Variants in CLDN20 observed in about 807,000 individuals in gnomAD.
CLDN20 encodes the protein claudin 20, also known as claudin-20.
For synonymous variants in CLDN20, 104 were observed against 103.6 expected, an observed-to-expected ratio of 1.00 and a Z score of -0.03; for missense variants, 258 against 267.9, an observed-to-expected ratio of 0.96 and a Z score of 0.26.
At chr6:155,270,676 C>T (rs1429343022) in intron 1 of CLDN20, among the ~76,000 whole-genome samples, 2 of 152,140 alleles carry the variant, frequency 1.3e-5, no homozygotes, top group Non-Finnish European at 2.9e-5. Flanking sequence ...CTTCCTTATG[C>T]TAGAGGTTAG....
chr6:155,265,033 AGAC>A, intron 1 of CLDN20, among the ~76,000 whole-genome samples: 1 of 152,342 alleles, frequency 6.6e-6, no homozygotes, highest in Admixed American at 6.5e-5. Context: ...CAGAGGGAAA[AGAC>A]CTTCCTAAAA....
At chr6:155,269,324 C>CTTTTTTTTTT (rs60162262) in intron 1 of CLDN20, among the ~76,000 whole-genome samples, 27 of 127,222 alleles carry the variant, frequency 2.1e-4, no homozygotes, top group Non-Finnish European at 2.6e-4. Context: ...CTTTTCTTTT[C>CTTTTTTTTTT]TTTTTTTTTT....
intron 1 of CLDN20, among the ~76,000 whole-genome samples, chr6:155,271,457 C>G (rs1784911206): frequency 6.6e-6 from 1 of 152,182 alleles, no homozygotes; most frequent in African/African-American, 2.4e-5. Context: ...CAAGAAAACT[C>G]AGGGCACCAC....
rs1785219486 is a variant in CLDN20, at chr6:155,276,376, G to A, written c.657G>A (p.Val219=). ...NNSTHNLKDY[V] The stretch of plus-strand genomic sequence containing the variant: ...CCACACACAATCTGAAGGATTATGT[G>A]TAAATAACTGAGTAATGCATATGAA... Residue 219 remains valine, a synonymous_variant, in exon 2 of 2, where the codon GTG becomes GTA. Coordinates refer to ENST00000367165, the MANE Select transcript of CLDN20 (RefSeq NM_001001346.3). 2 of 1,610,538 alleles carry A rather than the reference G, an allele frequency of 1.2e-6. No individual in the cohort carries two copies. The highest frequency in any genetic ancestry group is 1.7e-5 in the Admixed American group (1 of 59,890).
chr6:155,275,362 T>C (rs1201019596), intron 1 of CLDN20, among the ~76,000 whole-genome samples: 1 of 152,226 alleles, frequency 6.6e-6, no homozygotes, highest in Admixed American at 6.5e-5. Context: ...AGTTTCAGCA[T>C]ATGTTGAGTT....
chr6:155,274,944 C>T (rs1022360544), intron 1 of CLDN20, among the ~76,000 whole-genome samples: 5 of 152,146 alleles, frequency 3.3e-5, no homozygotes, highest in African/African-American at 1.2e-4. Flanking sequence ...TTGGGCGAGG[C>T]GTGGTGGCTC....
chr6:155,272,062 T>C (rs536308433), intron 1 of CLDN20, among the ~76,000 whole-genome samples: 85 of 152,236 alleles, frequency 5.6e-4, no homozygotes, highest in Non-Finnish European at 1.0e-3. Context: ...AGTTAACTTA[T>C]TGGAGCTTTA....
At chr6:155,275,567 G>A (rs1785149540) in intron 1 of CLDN20, 49 bp from the exon 2 acceptor site, 3 of 736,782 alleles carry the variant, frequency 4.1e-6, no homozygotes, top group Admixed American at 4.7e-5. Flanking sequence ...GAAGCCTTTT[G>A]TTTACTTACT....
Position 155,264,065 on chromosome 6 carries a change from G to A in CLDN20, c.-328G>A, listed in dbSNP as rs1028000705. 1.3e-5 allele frequency: 2 copies of A among 152,246 alleles called. No homozygotes were observed. The highest frequency in any genetic ancestry group is 1.5e-5 in the Non-Finnish European group (1 of 68,078). 9.4% of individuals were successfully genotyped at this position (152,246 alleles called of 1,614,324 possible). ...AGACCTGGGTGGTTGGGAACAGGAA[G>A]CATATGGCATCTTGCAGGCTATAGG... On this transcript the variant is annotated 5_prime_UTR_variant, in exon 1 of 2. Coordinates refer to ENST00000367165, the MANE Select transcript of CLDN20 (RefSeq NM_001001346.3).
At chr6:155,272,944 A>T (rs1316604187) in intron 1 of CLDN20, among the ~76,000 whole-genome samples, 1 of 152,220 alleles carries the variant, frequency 6.6e-6, no homozygotes, top group Non-Finnish European at 1.5e-5. Flanking sequence ...CTGAACATAG[A>T]TTGACAACAA....
intron 1 of CLDN20, among the ~76,000 whole-genome samples, chr6:155,269,133 T>C (rs1784805042): frequency 6.6e-6 from 1 of 151,868 alleles, no homozygotes; most frequent in African/African-American, 2.4e-5. Context: ...TTCCATAGCT[T>C]ATAAACTACC....
At chr6:155,273,534 T>G (rs898061110) in intron 1 of CLDN20, among the ~76,000 whole-genome samples, 7 of 152,236 alleles carry the variant, frequency 4.6e-5, no homozygotes, top group African/African-American at 1.7e-4. Flanking sequence ...ATGTGGCCTA[T>G]TAACATCCTC....
chr6:155,265,068 C>T (rs944177432), intron 1 of CLDN20, among the ~76,000 whole-genome samples: 3 of 152,234 alleles, frequency 2.0e-5, no homozygotes, highest in Admixed American at 1.3e-4. Flanking sequence ...CCACAAACCA[C>T]GCCCTTGGTG....
chr6:155,270,531 T>C (rs1315469406), intron 1 of CLDN20, among the ~76,000 whole-genome samples: 2 of 152,220 alleles, frequency 1.3e-5, no homozygotes, highest in Admixed American at 6.5e-5. Context: ...GAAGTTTTCC[T>C]TCTAAAGCAG....
At chr6:155,273,378 T>C (rs1785031021) in intron 1 of CLDN20, among the ~76,000 whole-genome samples, 2 of 152,208 alleles carry the variant, frequency 1.3e-5, no homozygotes, top group Non-Finnish European at 2.9e-5. Context: ...ACAATCCAGA[T>C]AGTCTAGGAT....
chr6:155,268,960 A>T (rs1784792760), intron 1 of CLDN20, among the ~76,000 whole-genome samples: 1 of 135,920 alleles, frequency 7.4e-6, no homozygotes, highest in Admixed American at 7.9e-5. Flanking sequence ...AAAAAAAAAA[A>T]GAAAAAAGAA....
rs753853336 is a variant in CLDN20 at position 155,275,727 on chromosome 6, C to A, written c.8C>A (p.Ser3Ter). The A allele has an allele frequency of 1.1e-5, 17 of 1,612,822 alleles. 2 individuals carry two copies. The South Asian group carries it at 1.9e-4, about 18-fold the overall frequency. The change falls in exon 2 of 2, where the codon TCA (serine) becomes TAA (stop). Residue 3 changes from serine (S) to a stop codon, truncating the protein, a stop_gained. Transcript: ENST00000367165. LOFTEE classifies it low-confidence loss of function (END_TRUNC). MA[S>*]AGLQLLAFIL... is the part of the protein sequence containing the mutation. ...AGACTTAACAGTAACATCATGGCCT[C>A]AGCAGGACTCCAGCTCCTTGCTTTC...
At position 155,276,080 on chromosome 6, in the gene CLDN20, G is replaced by A. The variant is rs1785191064; in HGVS notation, c.361G>A (p.Gly121Arg). The change falls in exon 2 of 2, where the codon GGA (glycine) becomes AGA (arginine). Residue 121 changes from glycine to arginine, a missense_variant. Physicochemically the swap from Gly to Arg is moderately radical, Grantham distance 125. Transcript: ENST00000367165. The stretch of plus-strand genomic sequence containing the variant: ...AACCAAGAGCCATGCTTCCTTTGCT[G>A]GAGGAGTCTGTTTCATGTCTGCAGG... Reference protein sequence around the residue: ...RETKSHASFAGGVCFMSAGIS... With the variant: ...RETKSHASFARGVCFMSAGIS... 6.2e-7 allele frequency: 1 copy of A among 1,614,174 alleles called. No homozygotes were observed. Among genetic ancestry groups the A allele is most frequent in the Non-Finnish European group, 8.5e-7 (1 of 1,180,036 alleles).
intron 1 of CLDN20, 145 bp downstream of exon 1, chr6:155,264,433 C>G (rs1204879284): frequency 6.6e-6 from 1 of 152,174 alleles, no homozygotes; most frequent in Non-Finnish European, 1.5e-5. Flanking sequence ...GATCCATGTC[C>G]AAAAGCCAAT....
Sources: allele counts gnomAD v4.1 joint callset (sites outside exome capture counted in the v4.1 genomes callset), GRCh38; gene constraint gnomAD v4.1.1; transcripts MANE v1.5; gene names NCBI Gene and HGNC (gene_info 2026-07-23, HGNC 2026-07-21).